The following CXADR variants were observed in gnomAD, a reference collection of about 807,000 sequenced individuals.
CXADR encodes the protein coxsackievirus and adenovirus receptor.
A neutral mutation model predicts 40.3 loss-of-function variants in CXADR; 20 were observed. The ratio of observed to expected loss-of-function variants is 0.50; its 90% CI spans 0.35 to 0.72. The LOEUF is 0.72. CXADR is among the 30% of genes least tolerant of loss of function. The probability of loss-of-function intolerance (pLI) is 0.01; values close to 1 mark genes in which losing one functional copy is unlikely to be tolerated. For missense variants in CXADR, 332 were observed against 449.1 expected (o/e 0.74, Z 2.36); for synonymous variants, 150 against 161.3 (o/e 0.93, Z 0.53).
chr21:17,526,903 G>C (rs1030284604), intron 1 of CXADR, among the ~76,000 whole-genome samples: 1 of 152,056 alleles, frequency 6.6e-6, no homozygotes, highest in African/African-American at 2.4e-5. Flanking sequence ...GAAGAGAAGC[G>C]AGCTGCAAGT....
chr21:17,569,971 T>G lies in CXADR; in HGVS notation c.*4279T>G. The G allele has an allele frequency of 1.0e-6, 1 of 985,444 alleles. No homozygotes were observed. Among genetic ancestry groups the G allele is most frequent in the Non-Finnish European group, 1.2e-6 (1 of 829,934 alleles). The allele number at this position is 985,444 out of a possible 1,614,324, so 61.0% of individuals were successfully genotyped here. ...GACAGTGTCAGTTTCAGATTTTGTA[T>G]GTACGATTTCTGGCTTATATATCCA... is the stretch of plus-strand genomic sequence containing the variant. On this transcript the variant is annotated 3_prime_UTR_variant, in exon 7 of 7. Coordinates refer to ENST00000284878, the MANE Select transcript of CXADR (RefSeq NM_001338.5).
intron 1 of CXADR, among the ~76,000 whole-genome samples, chr21:17,534,373 G>A (rs981194993): frequency 6.6e-6 from 1 of 152,038 alleles, no homozygotes; most frequent in Non-Finnish European, 1.5e-5. Flanking sequence ...GGGATTACAG[G>A]CGTGAGCCAC....
At chr21:17,584,446 G>A (rs2061380955) in intron 7 of CXADR, among the ~76,000 whole-genome samples, 1 of 152,178 alleles carries the variant, frequency 6.6e-6, no homozygotes, top group African/African-American at 2.4e-5. Flanking sequence ...TCACAAGTTT[G>A]GTTATTCTGT....
chr21:17,601,687 C>T, the CXADR span, among the ~76,000 whole-genome samples: 2 of 152,294 alleles, frequency 1.3e-5, no homozygotes, highest in African/African-American at 4.8e-5. Context: ...AATTTCAAGA[C>T]AATCAAGGGT....
the CXADR span, among the ~76,000 whole-genome samples, chr21:17,618,249 C>T: frequency 4.6e-5 from 7 of 152,196 alleles, no homozygotes; most frequent in African/African-American, 1.7e-4. Flanking sequence ...GCCACATCTT[C>T]AGGGTCCACT....
At chr21:17,564,468 G>A (rs945385180) in intron 6 of CXADR, among the ~76,000 whole-genome samples, 1 of 151,848 alleles carries the variant, frequency 6.6e-6, no homozygotes, top group African/African-American at 2.4e-5. Context: ...ATTGTTTAGG[G>A]AATAATGACA....
the CXADR span, chr21:17,609,252 C>G: frequency 8.8e-7 from 1 of 1,140,080 alleles, no homozygotes; most frequent in Non-Finnish European, 1.2e-6. Flanking sequence ...CCCCTTCCTC[C>G]TTCCAATTTT....
chr21:17,518,682 A>G, intron 1 of CXADR: 1 of 1,609,650 alleles, frequency 6.2e-7, no homozygotes. Flanking sequence ...TGTCAGCACC[A>G]AGCTGACTTA....
In CXADR at chr21:17,530,323, T is replaced by C. The variant is rs996656440; in HGVS notation, c.44-16704T>C. On this transcript the variant is annotated intron_variant, in intron 1 of 6. Coordinates refer to ENST00000284878, the MANE Select transcript of CXADR (RefSeq NM_001338.5). ...CTAACAATGTAGATTAGTGTTAACA[T>C]TTTATATAAATAGAATTTTACAGTT... 19 of 436,734 alleles carry C rather than the reference T, an allele frequency of 4.4e-5. No individual in the cohort carries two copies. The Middle Eastern group carries it at 1.5e-3, about 35-fold the overall frequency. The allele number at this position is 436,734 out of a possible 1,614,324, so 27.1% of individuals were successfully genotyped here. A position where few individuals can be genotyped will look rare whatever the true frequency, so the allele number is the denominator to read the frequency against.
intron 7 of CXADR, among the ~76,000 whole-genome samples, chr21:17,587,069 C>T (rs1189566906): frequency 6.6e-6 from 1 of 152,178 alleles, no homozygotes; most frequent in Non-Finnish European, 1.5e-5. Context: ...GACATGAACT[C>T]ATCATTTTTT....
the CXADR span, among the ~76,000 whole-genome samples, chr21:17,605,712 T>C: frequency 2.0e-5 from 3 of 152,188 alleles, no homozygotes; most frequent in Non-Finnish European, 2.9e-5. Flanking sequence ...ATCTACCTAA[T>C]GGAATGTTTA....
chr21:17,589,798 T>C (rs959479754), intron 7 of CXADR, among the ~76,000 whole-genome samples: 6 of 152,108 alleles, frequency 3.9e-5, no homozygotes, highest in Non-Finnish European at 5.9e-5. Context: ...TAGAAGTACG[T>C]ACAATTGCTT....
chr21:17,606,102 C>T, the CXADR span, among the ~76,000 whole-genome samples: 4 of 151,922 alleles, frequency 2.6e-5, no homozygotes, highest in African/African-American at 9.7e-5. Flanking sequence ...ATAATATTAA[C>T]AATAATAAGC....
At chr21:17,518,473 C>T (rs2060488764) in intron 1 of CXADR, 8 of 752,880 alleles carry the variant, frequency 1.1e-5, no homozygotes, top group Non-Finnish European at 1.4e-5. Context: ...AACTTTGGAA[C>T]CACATAGCTG....
chr21:17,563,672 TG>T lies in CXADR; in HGVS notation c.834-1754del, dbSNP rs1325969988. Among the ~76,000 whole-genome samples the T allele has an allele frequency of 9.9e-5, 15 of 152,132 alleles. No homozygotes were observed. In the South Asian group the frequency reaches 2.5e-3, roughly 25 times the overall value. Reference sequence around the variant, plus strand: ...AAATGGTACTGGTGGCCGGGCACGGTGGCTCACACCTGTAATCCCAGCACTT... The same window carrying T: ...AAATGGTACTGGTGGCCGGGCACGGTGCTCACACCTGTAATCCCAGCACTT... On this transcript the variant is annotated intron_variant, in intron 6 of 6. Coordinates refer to ENST00000284878, the MANE Select transcript of CXADR (RefSeq NM_001338.5).
rs781505743 is a variant in CXADR at position 17,565,640 on chromosome 21, G to A, written c.1046G>A (p.Gly349Asp). 1 of 1,612,118 alleles carries A rather than the reference G, an allele frequency of 6.2e-7. No individual in the cohort carries two copies. The highest frequency in any genetic ancestry group is 8.5e-7 in the Non-Finnish European group (1 of 1,179,836). Residue 349 changes from glycine to aspartate, a missense_variant, in exon 7 of 7, where the codon GGT (glycine) becomes GAT (aspartate). Coordinates refer to ENST00000284878, the MANE Select transcript of CXADR (RefSeq NM_001338.5). Reference protein sequence around the residue: ...KVAAPNLSRMGAIPVMIPAQS... With the variant: ...KVAAPNLSRMDAIPVMIPAQS... ...GCTGCCCCTAATCTAAGTCGAATGGGTGCGATTCCTGTGATGATTCCAGCA... is the reference window on the plus strand; with the variant it reads ...GCTGCCCCTAATCTAAGTCGAATGGATGCGATTCCTGTGATGATTCCAGCA...
downstream of CXADR, among the ~76,000 whole-genome samples, chr21:17,596,522 T>C (rs1432327585): frequency 6.6e-6 from 1 of 152,070 alleles, no homozygotes; most frequent in Non-Finnish European, 1.5e-5. Flanking sequence ...TCCAGTTGTT[T>C]CAGCACAAGT....
At chr21:17,538,325 G>A (rs368113215) in intron 1 of CXADR, among the ~76,000 whole-genome samples, 9 of 152,116 alleles carry the variant, frequency 5.9e-5, no homozygotes, top group Non-Finnish European at 1.2e-4. Context: ...CACTGTGCTC[G>A]TGCTGAGTGA....
rs1276628434 is a variant in CXADR, at chr21:17,567,637, A to G, written c.*1945A>G. 3.1e-6 allele frequency: 3 copies of G among 983,392 alleles called. No individual in the cohort carries two copies. The highest frequency in any genetic ancestry group is 4.7e-5 in the South Asian group (1 of 21,242). 60.9% of individuals were successfully genotyped at this position (983,392 alleles called of 1,614,324 possible). A position where few individuals can be genotyped will look rare whatever the true frequency, so the allele number is the denominator to read the frequency against. ...GAAATTTCAATATTCCCAACACTCTATGTTTCTGATTTTATAACAGTAGCC... is the reference window on the plus strand; with the variant it reads ...GAAATTTCAATATTCCCAACACTCTGTGTTTCTGATTTTATAACAGTAGCC... On this transcript the variant is annotated 3_prime_UTR_variant, in exon 7 of 7. Transcript: ENST00000284878.
Sources: gnomAD v4.1 joint callset for allele counts (sites outside exome capture counted in the v4.1 genomes callset) on GRCh38, gnomAD v4.1.1 for gene constraint, MANE v1.5 for transcripts, NCBI Gene and HGNC (gene_info 2026-07-23, HGNC 2026-07-21) for gene names.